CA10: variants seen among roughly 807,000 people sequenced by gnomAD.
The protein encoded by CA10 is carbonic anhydrase 10 (inactive).
CA10 carries 14 observed loss-of-function variants against 44.2 expected under a neutral mutation model. That is an observed-to-expected ratio of 0.32 (90% confidence interval 0.21 to 0.50). CA10 has a LOEUF of 0.50. Among genes scored for constraint, CA10 ranks in the 20% least tolerant of loss-of-function variants. CA10 has a pLI of 0.99. For synonymous variants in CA10, 159 were observed against 141.6 expected, an observed-to-expected ratio of 1.12 and a Z score of -0.87; for missense variants, 350 against 409.7, an observed-to-expected ratio of 0.85 and a Z score of 1.26.
At chr17:51,800,879 T>G (rs1007559461) in intron 3 of CA10, among the ~76,000 whole-genome samples, 2 of 152,186 alleles carry the variant, frequency 1.3e-5, no homozygotes, top group Non-Finnish European at 2.9e-5. Context: ...GGTATCCACC[T>G]TTGACTCCCA....
At chr17:51,949,153 C>G (rs924144584) in intron 2 of CA10, among the ~76,000 whole-genome samples, 1 of 151,984 alleles carries the variant, frequency 6.6e-6, no homozygotes, top group African/African-American at 2.4e-5. Flanking sequence ...TTTCTTCTGC[C>G]CAATATTTAG....
intron 2 of CA10, among the ~76,000 whole-genome samples, chr17:51,949,997 T>C (rs1052456400): frequency 1.3e-5 from 2 of 152,192 alleles, no homozygotes; most frequent in Non-Finnish European, 2.9e-5. Flanking sequence ...GCTGTTATAC[T>C]AATTATTAGT....
chr17:52,158,445 C>T lies in CA10; in HGVS notation c.-659G>A. On this transcript the variant is annotated 5_prime_UTR_variant, in exon 1 of 9. Coordinates refer to ENST00000451037, the MANE Select transcript of CA10 (RefSeq NM_020178.5). ...GAGAGGCAGGGATTATTGCCCGAAA[C>T]CGCCAGCCGCCGGCAGCCTCCGCCG... 6.4e-6 allele frequency: 1 copy of T among 157,368 alleles called. No individual in the cohort carries two copies. Among genetic ancestry groups the T allele is most frequent in the Admixed American group, 6.4e-5 (1 of 15,602 alleles). The allele number at this position is 157,368 out of a possible 1,614,324, so 9.7% of individuals were successfully genotyped here. A position where few individuals can be genotyped will look rare whatever the true frequency, so the allele number is the denominator to read the frequency against.
intron 3 of CA10, among the ~76,000 whole-genome samples, chr17:51,858,386 A>G (rs1490976077): frequency 6.6e-6 from 1 of 152,124 alleles, no homozygotes; most frequent in Non-Finnish European, 1.5e-5. Context: ...TGCAGAGACA[A>G]GGAGTCCCCA....
intron 1 of CA10, among the ~76,000 whole-genome samples, chr17:52,095,214 G>C (rs1988373197): frequency 6.6e-6 from 1 of 152,130 alleles, no homozygotes; most frequent in Non-Finnish European, 1.5e-5. Context: ...CAGACACAAA[G>C]AGTACATTCT....
rs189613620 is a variant in CA10 at position 51,788,035 on chromosome 17, G to C, written c.280-40217C>G. Among the ~76,000 whole-genome samples the C allele has an allele frequency of 1.7e-3, 254 of 152,074 alleles. 1 individual carries two copies. Among genetic ancestry groups the C allele is most frequent in the Non-Finnish European group, 2.5e-3 (170 of 67,994 alleles). On this transcript the variant is annotated intron_variant, in intron 3 of 8. Coordinates refer to ENST00000451037, the MANE Select transcript of CA10 (RefSeq NM_020178.5). ...TGCTCTTGCTTTTCTAGTTCTTTAA[G>C]ATACATGGTTAGGTTGCTTATTTGA...
At chr17:52,029,183 C>A (rs539123644) in intron 2 of CA10, among the ~76,000 whole-genome samples, 7 of 152,274 alleles carry the variant, frequency 4.6e-5, no homozygotes, top group Middle Eastern at 6.8e-3. Context: ...CCTCTTAGAT[C>A]TTGCCTTCTC....
At chr17:51,968,365 T>C (rs1206799571) in intron 2 of CA10, among the ~76,000 whole-genome samples, 1 of 151,956 alleles carries the variant, frequency 6.6e-6, no homozygotes, top group African/African-American at 2.4e-5. Flanking sequence ...AAGTATTCCA[T>C]GTTATAGATG....
chr17:52,002,310 G>C (rs1237382578), intron 2 of CA10, among the ~76,000 whole-genome samples: 1 of 151,946 alleles, frequency 6.6e-6, no homozygotes, highest in East Asian at 1.9e-4. Context: ...AGAAAGACAA[G>C]CAGTGATCTG....
intron 3 of CA10, among the ~76,000 whole-genome samples, chr17:51,928,791 G>C (rs1325684016): frequency 6.6e-6 from 1 of 152,132 alleles, no homozygotes; most frequent in Non-Finnish European, 1.5e-5. Context: ...TTCAAAACAA[G>C]TTTCCAACTC....
chr17:52,042,769 T>G (rs1370988627), intron 2 of CA10, among the ~76,000 whole-genome samples: 1 of 152,066 alleles, frequency 6.6e-6, no homozygotes, highest in African/African-American at 2.4e-5. Flanking sequence ...ACTTTTTTTA[T>G]GTGTATGATG....
At chr17:51,865,531 C>T (rs1979505321) in intron 3 of CA10, among the ~76,000 whole-genome samples, 1 of 152,212 alleles carries the variant, frequency 6.6e-6, no homozygotes, top group African/African-American at 2.4e-5. Flanking sequence ...AGCTGCCAGG[C>T]CGCAGGGCAG....
intron 4 of CA10, among the ~76,000 whole-genome samples, chr17:51,682,868 T>TA (rs1914890785): frequency 6.6e-6 from 1 of 152,186 alleles, no homozygotes; most frequent in South Asian, 2.1e-4. Context: ...GCTTGATACA[T>TA]ACATCATTCC....
At chr17:52,002,937 T>G (rs1302549991) in intron 2 of CA10, among the ~76,000 whole-genome samples, 3 of 152,020 alleles carry the variant, frequency 2.0e-5, no homozygotes, top group African/African-American at 7.2e-5. Context: ...TGTCTGGCTA[T>G]AACCTTGACC....
intron 1 of CA10, among the ~76,000 whole-genome samples, chr17:52,142,137 G>A (rs929230329): frequency 6.6e-6 from 1 of 152,228 alleles, no homozygotes; most frequent in African/African-American, 2.4e-5. Flanking sequence ...GCACAGGTAA[G>A]TGTCTGCAAG....
chr17:51,895,152 C>A (rs114055064), intron 3 of CA10, among the ~76,000 whole-genome samples: 1 of 151,844 alleles, frequency 6.6e-6, no homozygotes, highest in East Asian at 1.9e-4. Context: ...TACTTGCATG[C>A]GGATATGGAA....
intron 2 of CA10, among the ~76,000 whole-genome samples, chr17:51,951,473 C>T (rs1983479072): frequency 6.6e-6 from 1 of 152,118 alleles, no homozygotes; most frequent in Non-Finnish European, 1.5e-5. Flanking sequence ...TATCTTATAA[C>T]TCTTAGGGCT....
chr17:51,924,091 G>A (rs1168692166), intron 3 of CA10, among the ~76,000 whole-genome samples: 1 of 152,032 alleles, frequency 6.6e-6, no homozygotes, highest in African/African-American at 2.4e-5. Context: ...TATAAGTAAG[G>A]TGCTTAAGAA....
chr17:51,799,171 T>C (rs1906832913), intron 3 of CA10, among the ~76,000 whole-genome samples: 1 of 152,234 alleles, frequency 6.6e-6, no homozygotes. Flanking sequence ...TTGGAAGGCA[T>C]GAATCACTTC....
Sources: allele counts gnomAD v4.1 joint callset (sites outside exome capture counted in the v4.1 genomes callset), GRCh38; gene constraint gnomAD v4.1.1; transcripts MANE v1.5; gene names NCBI Gene and HGNC (gene_info 2026-07-23, HGNC 2026-07-21).